PAX3: variants seen among roughly 807,000 people sequenced by gnomAD.
PAX3 encodes paired box protein Pax-3.
In PAX3, 14 loss-of-function variants were observed where a neutral mutation model predicts 51.6. The ratio of observed to expected loss-of-function variants is 0.27; its 90% CI spans 0.18 to 0.42. PAX3 has a LOEUF of 0.42. Among genes scored for constraint, PAX3 ranks in the 10% least tolerant of loss-of-function variants. The pLI, the probability that PAX3 is intolerant of heterozygous loss-of-function variation, is 1.00. For synonymous variants in PAX3, 280 were observed against 253.4 expected, an observed-to-expected ratio of 1.11 and a Z score of -1.00; for missense variants, 540 against 642.8, an observed-to-expected ratio of 0.84 and a Z score of 1.73.
At chr2:222,279,159 G>A (rs1280108042) in intron 4 of PAX3, among the ~76,000 whole-genome samples, 1 of 152,192 alleles carries the variant, frequency 6.6e-6, no homozygotes, top group East Asian at 1.9e-4. Flanking sequence ...TCACCGTGCT[G>A]GCTAGGCTGG....
At chr2:222,277,292 A>C (rs1415238961) in intron 4 of PAX3, among the ~76,000 whole-genome samples, 1 of 152,190 alleles carries the variant, frequency 6.6e-6, no homozygotes, top group Non-Finnish European at 1.5e-5. Flanking sequence ...AGAGGCTTAA[A>C]TCTCCAGAGA....
At chr2:222,242,412 CTGCGAAGTCCT>C (rs1400347536) in intron 4 of PAX3, 4 of 152,156 alleles carry the variant, frequency 2.6e-5, no homozygotes, top group Non-Finnish European at 5.9e-5. Flanking sequence ...TCCCTGTTCC[CTGCGAAGTCCT>C]TGCTGTGCAT....
In PAX3 at chr2:222,275,105, C is replaced by T. The variant is rs187154560; in HGVS notation, c.586+19062G>A. The stretch of plus-strand genomic sequence containing the variant: ...TCTTATTAAATAAAAATTTTAATTT[C>T]GATTCAAAGTTCAAAATTGCAATAT... On this transcript the variant is annotated intron_variant, in intron 4 of 8. Transcript: ENST00000392070. Among the ~76,000 whole-genome samples, 771 of 152,178 alleles carry T rather than the reference C, an allele frequency of 5.1e-3. 3 individuals are homozygous for T. The highest frequency in any genetic ancestry group is 0.022 in the Admixed American group (337 of 15,278).
rs116941483 is a variant in PAX3, at chr2:222,225,510, G to A, written c.793-4123C>T. On this transcript the variant is annotated intron_variant, in intron 5 of 8. Coordinates refer to ENST00000392070, the MANE Select transcript of PAX3 (RefSeq NM_181458.4). ...TCAACATTACAAGTTGGCGGGTGGC[G>A]GGGAAACTAGTACTTTCTACAGTAA... Among the ~76,000 whole-genome samples the A allele has an allele frequency of 9.9e-4, 150 of 152,194 alleles. 1 individual carries two copies. In the East Asian group the frequency reaches 0.022, roughly 22 times the overall value.
At chr2:222,214,385 C>T (rs1194293759) in intron 7 of PAX3, 1 of 152,120 alleles carries the variant, frequency 6.6e-6, no homozygotes, top group African/African-American at 2.4e-5. Context: ...AATTTACATA[C>T]ATTACACACT....
At chr2:222,282,948 T>C (rs1004510412) in intron 4 of PAX3, among the ~76,000 whole-genome samples, 6 of 152,256 alleles carry the variant, frequency 3.9e-5, no homozygotes, top group Non-Finnish European at 7.3e-5. Context: ...CGTATCATTT[T>C]TCTTGTGCCA....
intron 4 of PAX3, among the ~76,000 whole-genome samples, chr2:222,239,355 G>T (rs1435305093): frequency 1.3e-5 from 2 of 151,944 alleles, no homozygotes; most frequent in African/African-American, 4.8e-5. Context: ...GAGAAGGAGG[G>T]GGGAGGTTGA....
At chr2:222,270,648 T>C (rs2106158920) in intron 4 of PAX3, among the ~76,000 whole-genome samples, 1 of 152,318 alleles carries the variant, frequency 6.6e-6, no homozygotes, top group Non-Finnish European at 1.5e-5. Flanking sequence ...CCAATCTGCA[T>C]AAATCTCCAA....
At chr2:222,292,320 T>G (rs982465378) in intron 4 of PAX3, among the ~76,000 whole-genome samples, 1 of 152,224 alleles carries the variant, frequency 6.6e-6, no homozygotes, top group Non-Finnish European at 1.5e-5. Flanking sequence ...TTTGTTCACA[T>G]CAAGCTGCTC....
At chr2:222,208,888 T>C (rs1033400527) in intron 7 of PAX3, among the ~76,000 whole-genome samples, 1 of 152,190 alleles carries the variant, frequency 6.6e-6, no homozygotes, top group Non-Finnish European at 1.5e-5. Context: ...TTCTCTCTAA[T>C]TGCCTGTAAA....
At chr2:222,237,708 A>G (rs1343910400) in intron 4 of PAX3, among the ~76,000 whole-genome samples, 4 of 152,244 alleles carry the variant, frequency 2.6e-5, no homozygotes, top group African/African-American at 4.8e-5. Context: ...ACTAAGAACC[A>G]TCACAGACCA....
At chr2:222,211,165 T>C (rs1290157270) in intron 7 of PAX3, among the ~76,000 whole-genome samples, 1 of 152,148 alleles carries the variant, frequency 6.6e-6, no homozygotes, top group Non-Finnish European at 1.5e-5. Context: ...CACTTGGCCA[T>C]ACATGATATT....
intron 4 of PAX3, among the ~76,000 whole-genome samples, chr2:222,283,308 T>C (rs542057753): frequency 6.6e-6 from 1 of 152,324 alleles, no homozygotes; most frequent in South Asian, 2.1e-4. Flanking sequence ...GGGTACCATT[T>C]CTGCCAAAGG....
At chr2:222,293,720 C>G (rs1216764298) in intron 4 of PAX3, 1 of 1,614,030 alleles carries the variant, frequency 6.2e-7, no homozygotes, top group African/African-American at 1.3e-5. Context: ...CTCTCTCTCT[C>G]CTTTAATGCG....
At chr2:222,293,866 G>A (rs1695141112) in intron 4 of PAX3, 2 of 1,610,808 alleles carry the variant, frequency 1.2e-6, no homozygotes, top group African/African-American at 1.3e-5. Flanking sequence ...GCAACAGAGT[G>A]AGAGCTTCCC....
intron 4 of PAX3, among the ~76,000 whole-genome samples, chr2:222,292,536 A>G (rs1695081419): frequency 6.6e-6 from 1 of 152,232 alleles, no homozygotes; most frequent in Non-Finnish European, 1.5e-5. Flanking sequence ...GAGAGCAGCC[A>G]GTCTGCCAGC....
intron 4 of PAX3, among the ~76,000 whole-genome samples, chr2:222,255,853 C>A (rs1215292533): frequency 6.8e-6 from 1 of 147,402 alleles, no homozygotes; most frequent in African/African-American, 2.5e-5. Context: ...ACAATATTGG[C>A]CATTCTCCTG....
rs151238008 is a variant in PAX3, at chr2:222,254,218, G to T, written c.587-21935C>A. ...ATGTTAGATGGTTAACCAGATAATA[G>T]TTGGACTTCTAATCCCATTTTGTGT... On this transcript the variant is annotated intron_variant, in intron 4 of 8. Transcript: ENST00000392070. 1.8e-3 allele frequency among the ~76,000 whole-genome samples: 277 copies of T among 152,210 alleles called. 1 individual carries two copies. The highest frequency in any genetic ancestry group is 6.5e-3 in the African/African-American group (269 of 41,512).
chr2:222,225,552 C>G (rs1692352681), intron 5 of PAX3, among the ~76,000 whole-genome samples: 1 of 152,142 alleles, frequency 6.6e-6, no homozygotes. Flanking sequence ...AACAATACAT[C>G]TTATTCACAT....
Sources: allele counts gnomAD v4.1 joint callset (sites outside exome capture counted in the v4.1 genomes callset), GRCh38; gene constraint gnomAD v4.1.1; transcripts MANE v1.5; gene names NCBI Gene and HGNC (gene_info 2026-07-23, HGNC 2026-07-21).